SIDT1: variants seen among roughly 807,000 people sequenced by gnomAD.
SIDT1 encodes the protein SID1 transmembrane family member 1.
Under a neutral mutation model 107.5 loss-of-function variants are expected in SIDT1, and 101 were observed. That is an observed-to-expected ratio of 0.94 (90% CI 0.80 to 1.11). SIDT1 has a LOEUF of 1.11. Among genes scored for constraint, SIDT1 ranks in the 50% least tolerant of loss-of-function variants. The pLI, the probability that SIDT1 is intolerant of heterozygous loss-of-function variation, is 0.00. For missense variants in SIDT1, 1,076 were observed against 1,058.2 expected (o/e 1.02, Z -0.23); for synonymous variants, 395 against 398.2 (o/e 0.99, Z 0.10).
In SIDT1 at chr3:113,608,488, C is replaced by T. The variant is rs1174386894; in HGVS notation, c.1672C>T (p.Leu558Phe). ...MGIALMMEGV[L>F]SACYHVCPNY... ...CATTGCATTGATGATGGAAGGGGTGCTCAGTGCTTGCTACCATGTCTGCCC... is the reference window on the plus strand; with the variant it reads ...CATTGCATTGATGATGGAAGGGGTGTTCAGTGCTTGCTACCATGTCTGCCC... The change falls in exon 17 of 25, where the codon CTC (leucine) becomes TTC (phenylalanine). Residue 558 changes from leucine (L) to phenylalanine (F), a missense_variant. Physicochemically the swap from Leu to Phe is conservative, Grantham distance 22. Coordinates refer to ENST00000264852, the MANE Select transcript of SIDT1 (RefSeq NM_017699.3). 3.1e-6 allele frequency: 5 copies of T among 1,613,884 alleles called. No homozygotes were observed. The highest frequency in any genetic ancestry group is 2.7e-5 in the African/African-American group (2 of 74,902).
chr3:113,614,735 C>T (rs1481985342), intron 19 of SIDT1, among the ~76,000 whole-genome samples: 2 of 152,150 alleles, frequency 1.3e-5, no homozygotes, highest in Non-Finnish European at 2.9e-5. Flanking sequence ...CTACTGTGTC[C>T]CCCAGTCCCA....
intron 3 of SIDT1, among the ~76,000 whole-genome samples, chr3:113,568,483 AC>A (rs1942128644): frequency 1.3e-5 from 2 of 151,600 alleles, no homozygotes; most frequent in Non-Finnish European, 2.9e-5. Context: ...AATCCCAGCT[AC>A]TCGGGAGGCT....
chr3:113,585,308 C>T lies in SIDT1; in HGVS notation c.1001+38C>T, dbSNP rs752988573. On this transcript the variant is annotated intron_variant, in intron 9 of 24. Coordinates refer to ENST00000264852, the MANE Select transcript of SIDT1 (RefSeq NM_017699.3). ...TTTCTAGAAATGTTAATTCCCTGTG[C>T]CTGTCTCTGTGTAACGCTTGCAGCA... is the stretch of plus-strand genomic sequence containing the variant. 61 of 1,450,432 alleles carry T rather than the reference C, an allele frequency of 4.2e-5. No individual in the cohort carries two copies. In the South Asian group the frequency reaches 7.0e-4, roughly 17 times the overall value. 89.8% of individuals were successfully genotyped at this position (1,450,432 alleles called of 1,614,324 possible).
At chr3:113,533,789 C>T (rs1937763488) in intron 1 of SIDT1, among the ~76,000 whole-genome samples, 1 of 152,200 alleles carries the variant, frequency 6.6e-6, no homozygotes, top group African/African-American at 2.4e-5. Flanking sequence ...GTGCCATTGT[C>T]ACACGTTGTG....
At position 113,583,396 on chromosome 3, in the gene SIDT1, A is replaced by G. The variant is rs745461241; in HGVS notation, c.748-13A>G. 1 of 1,580,138 alleles carries G rather than the reference A, an allele frequency of 6.3e-7. No homozygotes were observed. Among genetic ancestry groups the G allele is most frequent in the Non-Finnish European group, 8.7e-7 (1 of 1,155,076 alleles). ...TCTTACCGCCTATCATAAGGTTGTT[A>G]TGTCTTATGCAGAAGAAGGATTTTC... On this transcript the variant is annotated splice_polypyrimidine_tract_variant and intron_variant, in intron 6 of 24. Transcript: ENST00000264852.
At chr3:113,623,397 C>A (rs372043096) in intron 21 of SIDT1, 30 bp from the exon 22 acceptor site, 4 of 1,463,514 alleles carry the variant, frequency 2.7e-6, no homozygotes, top group Non-Finnish European at 3.8e-6. Context: ...TCCACCTTCA[C>A]GGCTGCCCAC....
At chr3:113,578,151 G>A (rs774312323) in intron 4 of SIDT1, among the ~76,000 whole-genome samples, 8 of 152,186 alleles carry the variant, frequency 5.3e-5, no homozygotes, top group Non-Finnish European at 8.8e-5. Context: ...ATTACTAGGT[G>A]CAAAGAGAGA....
chr3:113,603,599 G>A (rs1444648399), intron 12 of SIDT1, among the ~76,000 whole-genome samples: 1 of 152,174 alleles, frequency 6.6e-6, no homozygotes, highest in Non-Finnish European at 1.5e-5. Flanking sequence ...TCAGCCCTAT[G>A]TAGTTCAAGA....
At chr3:113,585,850 G>A (rs530511124) in intron 9 of SIDT1, among the ~76,000 whole-genome samples, 3 of 152,260 alleles carry the variant, frequency 2.0e-5, no homozygotes, top group South Asian at 4.1e-4. Context: ...TTTCCCTTGC[G>A]AAGAGTTTGG....
intron 13 of SIDT1, 74 bp from the exon 14 acceptor site, chr3:113,604,836 C>A (rs1945205658): frequency 6.5e-7 from 1 of 1,550,096 alleles, no homozygotes; most frequent in Non-Finnish European, 8.9e-7. Context: ...TGGAAGCATT[C>A]TTTTAAAAAT....
chr3:113,574,621 C>T (rs191356087), intron 3 of SIDT1, among the ~76,000 whole-genome samples: 1 of 151,940 alleles, frequency 6.6e-6, no homozygotes, highest in African/African-American at 2.4e-5. Context: ...CTCTGTATTT[C>T]TTCTCCCTCT....
intron 1 of SIDT1, among the ~76,000 whole-genome samples, chr3:113,564,073 C>G (rs528033606): frequency 1.3e-5 from 2 of 152,154 alleles, no homozygotes; most frequent in Non-Finnish European, 2.9e-5. Context: ...CTCAGCCTCC[C>G]GAGTAGCTGT....
At chr3:113,546,028 C>T (rs1252786103) in intron 1 of SIDT1, among the ~76,000 whole-genome samples, 1 of 152,138 alleles carries the variant, frequency 6.6e-6, no homozygotes, top group Non-Finnish European at 1.5e-5. Context: ...TTTACTTTTA[C>T]GTAGGCAAGG....
At chr3:113,541,596 T>A (rs879746893) in intron 1 of SIDT1, among the ~76,000 whole-genome samples, 15 of 152,198 alleles carry the variant, frequency 9.9e-5, no homozygotes, top group Admixed American at 5.2e-4. Flanking sequence ...CAATTAAAAG[T>A]AATAGAAAAA....
intron 14 of SIDT1, among the ~76,000 whole-genome samples, chr3:113,606,159 G>T (rs995477665): frequency 6.6e-6 from 1 of 152,056 alleles, no homozygotes; most frequent in South Asian, 2.1e-4. Flanking sequence ...TAGAATCCTA[G>T]GCCAAGGTCA....
intron 1 of SIDT1, among the ~76,000 whole-genome samples, chr3:113,550,499 A>G (rs1243500557): frequency 6.6e-6 from 1 of 152,186 alleles, no homozygotes; most frequent in Non-Finnish European, 1.5e-5. Context: ...GGCAGTCAGT[A>G]TATATTTGTA....
At chr3:113,537,391 C>T (rs1286602635) in intron 1 of SIDT1, among the ~76,000 whole-genome samples, 1 of 152,146 alleles carries the variant, frequency 6.6e-6, no homozygotes, top group East Asian at 1.9e-4. Flanking sequence ...CAATGAAATG[C>T]CCATGTGGAC....
chr3:113,565,719 G>A (rs1941838624), intron 1 of SIDT1, among the ~76,000 whole-genome samples: 1 of 152,180 alleles, frequency 6.6e-6, no homozygotes, highest in Admixed American at 6.5e-5. Context: ...ATACCTTAGA[G>A]CAAGGGAAAG....
chr3:113,595,681 A>G (rs1944496964), intron 10 of SIDT1, among the ~76,000 whole-genome samples: 1 of 152,126 alleles, frequency 6.6e-6, no homozygotes, highest in African/African-American at 2.4e-5. Context: ...ACACATGAAG[A>G]CACCTAAATA....
Sources: allele counts gnomAD v4.1 joint callset (sites outside exome capture counted in the v4.1 genomes callset), GRCh38; gene constraint gnomAD v4.1.1; transcripts MANE v1.5; gene names NCBI Gene and HGNC (gene_info 2026-07-23, HGNC 2026-07-21).